The following NRG3 variants were observed in gnomAD, a reference collection of about 807,000 sequenced individuals.
NRG3 encodes the protein neuregulin 3, also known as pro-neuregulin-3, membrane-bound isoform.
NRG3 carries 31 observed loss-of-function variants against 66.9 expected under a neutral mutation model. The ratio of observed to expected loss-of-function variants is 0.46; its 90% CI spans 0.35 to 0.63. The LOEUF (loss-of-function observed/expected upper bound fraction) is 0.63, where lower values mean the gene tolerates loss of function less well. NRG3 is among the 20% of genes least tolerant of loss of function. NRG3 has a pLI of 0.00. For synonymous variants in NRG3, 393 were observed against 359.4 expected (o/e 1.09, Z -1.06); for missense variants, 910 against 878.9 (o/e 1.04, Z -0.45).
At chr10:82,222,192 ATTTCT>A (rs1224583285) in intron 1 of NRG3, among the ~76,000 whole-genome samples, 2 of 151,874 alleles carry the variant, frequency 1.3e-5, no homozygotes, top group African/African-American at 4.8e-5. Context: ...TATAAAACAA[ATTTCT>A]TTTGTTTTAA....
chr10:82,072,246 A>G (rs186787462), intron 1 of NRG3, among the ~76,000 whole-genome samples: 50 of 152,350 alleles, frequency 3.3e-4, no homozygotes, highest in African/African-American at 1.0e-3. Context: ...GAAAGATTGC[A>G]TTAAAGGTAT....
chr10:82,087,312 A>G (rs990421315), intron 1 of NRG3, among the ~76,000 whole-genome samples: 9 of 152,118 alleles, frequency 5.9e-5, no homozygotes, highest in Non-Finnish European at 1.0e-4. Context: ...CATTCAGGTT[A>G]GCTATCTGCC....
intron 1 of NRG3, among the ~76,000 whole-genome samples, chr10:81,991,133 A>T (rs566128194): frequency 3.9e-4 from 60 of 152,230 alleles, no homozygotes; most frequent in African/African-American, 1.4e-3. Context: ...TGGGCATGGG[A>T]TATAGCTGGT....
Position 82,940,628 on chromosome 10 carries a change from T to C in NRG3, c.1055-10841T>C, listed in dbSNP as rs558558718. ...ACAACAGGCATTTATTTGTCAGTTC[T>C]GGAGGCTGGGAAGACCAGGGTCAAG... On this transcript the variant is annotated intron_variant, in intron 4 of 8. Transcript: ENST00000372141. 6.6e-5 allele frequency among the ~76,000 whole-genome samples: 10 copies of C among 152,310 alleles called. No individual in the cohort carries two copies. In the South Asian group the frequency reaches 2.1e-3, roughly 32 times the overall value.
At chr10:82,653,940 G>C (rs2133910638) in intron 2 of NRG3, among the ~76,000 whole-genome samples, 1 of 152,302 alleles carries the variant, frequency 6.6e-6, no homozygotes, top group African/African-American at 2.4e-5. Flanking sequence ...TGCAAAGCCA[G>C]AGATTACGTA....
At chr10:82,206,909 G>T (rs956883461) in intron 1 of NRG3, among the ~76,000 whole-genome samples, 16 of 152,172 alleles carry the variant, frequency 1.1e-4, no homozygotes, top group Non-Finnish European at 1.9e-4. Context: ...TTATGAGGTT[G>T]ATATTCTTAC....
At chr10:82,349,608 C>T (rs536481844) in intron 1 of NRG3, among the ~76,000 whole-genome samples, 50 of 152,014 alleles carry the variant, frequency 3.3e-4, no homozygotes, top group Middle Eastern at 3.4e-3. Context: ...TCGAGCTTCC[C>T]GGCTGCTTTG....
intron 2 of NRG3, among the ~76,000 whole-genome samples, chr10:82,688,900 A>G (rs1010431270): frequency 6.6e-6 from 1 of 152,276 alleles, no homozygotes; most frequent in Admixed American, 6.5e-5. Flanking sequence ...TTAAGCATAT[A>G]AAAGCCCCAA....
chr10:82,421,755 A>C (rs2089093844), intron 2 of NRG3, among the ~76,000 whole-genome samples: 1 of 152,052 alleles, frequency 6.6e-6, no homozygotes. Flanking sequence ...GAGCAAGCTC[A>C]TTCTAGTTCA....
chr10:82,225,169 C>A (rs1298349794), intron 1 of NRG3, among the ~76,000 whole-genome samples: 32 of 151,982 alleles, frequency 2.1e-4, no homozygotes, highest in Admixed American at 2.1e-3. Flanking sequence ...ACATTAAATG[C>A]TAATGTGGGG....
chr10:82,088,038 G>T (rs1462361612), intron 1 of NRG3, among the ~76,000 whole-genome samples: 1 of 152,118 alleles, frequency 6.6e-6, no homozygotes, highest in Non-Finnish European at 1.5e-5. Flanking sequence ...CAATGCCTGG[G>T]ATGAAACAGA....
rs151168005 is a variant in NRG3, at chr10:82,917,990, ATATG to A, written c.1055-33467_1055-33464del. ...TGTGTGTATATATATATATATATAT[ATATG>A]TATGTATGTATCTCTCTCTATATAT... On this transcript the variant is annotated intron_variant, in intron 4 of 8. Transcript: ENST00000372141. Among the ~76,000 whole-genome samples, 264 of 137,704 alleles carry A rather than the reference ATATG, an allele frequency of 1.9e-3. 1 individual carries two copies. Among genetic ancestry groups the A allele is most frequent in the Middle Eastern group, 3.9e-3 (1 of 254 alleles). The allele number at this position is 137,704 out of a possible 152,430, so 90.3% of individuals were successfully genotyped here. A position where few individuals can be genotyped will look rare whatever the true frequency, so the allele number is the denominator to read the frequency against.
At chr10:82,129,286 AGGGC>A (rs2068660166) in intron 1 of NRG3, among the ~76,000 whole-genome samples, 5 of 149,818 alleles carry the variant, frequency 3.3e-5, no homozygotes, top group African/African-American at 7.3e-5. Context: ...ACATTGTCAG[AGGGC>A]ACAGTTCACA....
At chr10:82,293,304 A>G (rs958853612) in intron 1 of NRG3, among the ~76,000 whole-genome samples, 7 of 151,272 alleles carry the variant, frequency 4.6e-5, no homozygotes, top group African/African-American at 1.5e-4. Flanking sequence ...TATTTGTCAG[A>G]AAGCTTGCTT....
intron 2 of NRG3, among the ~76,000 whole-genome samples, chr10:82,714,113 C>A (rs1321655777): frequency 3.3e-5 from 5 of 152,122 alleles, no homozygotes; most frequent in Non-Finnish European, 7.4e-5. Context: ...TTTTCATTGA[C>A]AGTTAAAATG....
At chr10:82,697,871 T>A (rs998667283) in intron 2 of NRG3, among the ~76,000 whole-genome samples, 1 of 152,090 alleles carries the variant, frequency 6.6e-6, no homozygotes, top group African/African-American at 2.4e-5. Context: ...GACCCGTCAG[T>A]ATCTGCCTTT....
intron 3 of NRG3, among the ~76,000 whole-genome samples, chr10:82,779,339 G>C (rs765487246): frequency 6.6e-6 from 1 of 152,130 alleles, no homozygotes; most frequent in Non-Finnish European, 1.5e-5. Flanking sequence ...TTAGCTGGGG[G>C]CATGAGTGGC....
chr10:82,982,687 A>G (rs925766881), intron 8 of NRG3, among the ~76,000 whole-genome samples: 4 of 152,172 alleles, frequency 2.6e-5, no homozygotes, highest in Non-Finnish European at 5.9e-5. Flanking sequence ...GATTGTTTTA[A>G]TTGATGGCAA....
intron 2 of NRG3, among the ~76,000 whole-genome samples, chr10:82,641,729 A>C (rs2133816573): frequency 6.6e-6 from 1 of 152,318 alleles, no homozygotes; most frequent in East Asian, 1.9e-4. Context: ...ATAATACAAA[A>C]GTAAAAAAAT....
Sources: allele counts gnomAD v4.1 joint callset (sites outside exome capture counted in the v4.1 genomes callset), GRCh38; gene constraint gnomAD v4.1.1; transcripts MANE v1.5; gene names NCBI Gene and HGNC (gene_info 2026-07-23, HGNC 2026-07-21).